The following CCDC50 variants were observed in gnomAD, a reference collection of about 807,000 sequenced individuals.
The protein encoded by CCDC50 is coiled-coil domain containing 50.
A neutral mutation model predicts 70.2 loss-of-function variants in CCDC50; 54 were observed. That is an observed-to-expected ratio of 0.77 (90% CI 0.62 to 0.96). CCDC50 has a LOEUF of 0.96. CCDC50 is among the 50% of genes least tolerant of loss of function. The pLI is 0.00. For missense variants in CCDC50, 558 were observed against 578.7 expected (o/e 0.96, Z 0.37); for synonymous variants, 216 against 198.8 (o/e 1.09, Z -0.73).
At chr3:191,387,856 AAG>A (rs1187517042) in intron 10 of CCDC50, among the ~76,000 whole-genome samples, 1 of 152,140 alleles carries the variant, frequency 6.6e-6, no homozygotes, top group African/African-American at 2.4e-5. Context: ...ACATTAATAA[AAG>A]AGAGAAGAAC....
chr3:191,391,913 T>A lies in CCDC50; in HGVS notation c.*153T>A, dbSNP rs1713709047. 1.4e-6 allele frequency: 1 copy of A among 732,546 alleles called. No homozygotes were observed. The allele number at this position is 732,546 out of a possible 1,614,324, so 45.4% of individuals were successfully genotyped here. On this transcript the variant is annotated 3_prime_UTR_variant, in exon 12 of 12. Coordinates refer to ENST00000392455, the MANE Select transcript of CCDC50 (RefSeq NM_178335.3). ...CTGACCATAAGTAATTTTAATTCAT[T>A]TCAAATGTTTTGGTTATTCATGATC...
intron 5 of CCDC50, among the ~76,000 whole-genome samples, chr3:191,372,080 G>A (rs888473219): frequency 1.3e-5 from 2 of 152,148 alleles, no homozygotes; most frequent in Non-Finnish European, 2.9e-5. Flanking sequence ...GACTTGAATT[G>A]AGACTCAAAC....
chr3:191,346,764 TAAAG>T (rs1427155413), intron 1 of CCDC50, among the ~76,000 whole-genome samples: 1 of 152,190 alleles, frequency 6.6e-6, no homozygotes, highest in East Asian at 1.9e-4. Context: ...TGTTTTAAAA[TAAAG>T]GGAGTTTCCG....
intron 1 of CCDC50, among the ~76,000 whole-genome samples, chr3:191,338,784 T>C (rs1265548431): frequency 2.0e-5 from 3 of 152,214 alleles, no homozygotes. Context: ...AGTTGATTGG[T>C]GTTGTGATTG....
chr3:191,354,507 TTTAG>T (rs1333940923), intron 1 of CCDC50, among the ~76,000 whole-genome samples: 1 of 152,210 alleles, frequency 6.6e-6, no homozygotes, highest in Non-Finnish European at 1.5e-5. Flanking sequence ...AATTTTTAAT[TTTAG>T]TTAGCATGGT....
rs1310451942 is a variant in CCDC50, at chr3:191,394,569, A to T, written c.*2809A>T. Reference sequence around the variant, plus strand: ...CTTTAATGTTGTGATGTAAACTAATACTTCTGGCCTGGGAAAACCTTTCTG... The same window carrying T: ...CTTTAATGTTGTGATGTAAACTAATTCTTCTGGCCTGGGAAAACCTTTCTG... On this transcript the variant is annotated 3_prime_UTR_variant, in exon 12 of 12. Coordinates refer to ENST00000392455, the MANE Select transcript of CCDC50 (RefSeq NM_178335.3). 2 of 152,136 alleles carry T rather than the reference A, an allele frequency of 1.3e-5. No individual in the cohort carries two copies. Among genetic ancestry groups the T allele is most frequent in the African/African-American group, 4.8e-5 (2 of 41,434 alleles). 9.4% of individuals were successfully genotyped at this position (152,136 alleles called of 1,614,324 possible).
chr3:191,340,974 T>G (rs576163168), intron 1 of CCDC50, among the ~76,000 whole-genome samples: 1 of 151,616 alleles, frequency 6.6e-6, no homozygotes, highest in African/African-American at 2.4e-5. Context: ...TAGCTAGGAC[T>G]ACAGGCCCAG....
At chr3:191,382,061 C>A (rs1431215291) in intron 9 of CCDC50, among the ~76,000 whole-genome samples, 2 of 152,028 alleles carry the variant, frequency 1.3e-5, no homozygotes, top group East Asian at 3.8e-4. Flanking sequence ...TCAAGGATTC[C>A]CAAATACTTT....
chr3:191,330,975 T>C (rs774607611), intron 1 of CCDC50, among the ~76,000 whole-genome samples: 2 of 152,214 alleles, frequency 1.3e-5, no homozygotes, highest in Non-Finnish European at 2.9e-5. Flanking sequence ...GTCCCTGGTA[T>C]GGCTTTGATG....
At chr3:191,381,169 G>A (rs373960850) in intron 9 of CCDC50, among the ~76,000 whole-genome samples, 39 of 152,144 alleles carry the variant, frequency 2.6e-4, no homozygotes, top group African/African-American at 8.9e-4. Context: ...CCTTTAAGAC[G>A]GAGTGAAATG....
rs777114610 is a variant in CCDC50 at position 191,375,122 on chromosome 3, T to G, written c.509T>G (p.Leu170Arg). 1 of 1,613,532 alleles carries G rather than the reference T, an allele frequency of 6.2e-7. No homozygotes were observed. Among genetic ancestry groups the G allele is most frequent in the South Asian group, 1.1e-5 (1 of 91,066 alleles). Residue 170 changes from leucine (L) to arginine (R), a missense_variant, in exon 6 of 12, where the codon CTC becomes CGC. Coordinates refer to ENST00000392455, the MANE Select transcript of CCDC50 (RefSeq NM_178335.3). ...TCTGGATTCTCAAGACCTTGTAGAC[T>G]CCAAAGAGATGGAAAGACTGTGAAG... Reference protein sequence around the residue: ...LGSGFSRPCRLQRDGKTVKHK... With the variant: ...LGSGFSRPCRRQRDGKTVKHK...
intron 1 of CCDC50, among the ~76,000 whole-genome samples, chr3:191,335,632 C>T (rs957711279): frequency 2.6e-5 from 4 of 151,904 alleles, no homozygotes; most frequent in African/African-American, 9.7e-5. Context: ...TACACACATA[C>T]ATTAAGTGTG....
chr3:191,352,770 T>G (rs1712145271), intron 1 of CCDC50, among the ~76,000 whole-genome samples: 1 of 89,660 alleles, frequency 1.1e-5, no homozygotes, highest in African/African-American at 5.6e-5. Flanking sequence ...TATATTTAGA[T>G]TAACATATTG....
chr3:191,369,496 A>C (rs1712821587), intron 4 of CCDC50, among the ~76,000 whole-genome samples: 1 of 152,218 alleles, frequency 6.6e-6, no homozygotes, highest in Non-Finnish European at 1.5e-5. Flanking sequence ...ATTCTAATGC[A>C]AAGCTAAATC....
At chr3:191,371,923 T>C (rs1452193381) in intron 5 of CCDC50, among the ~76,000 whole-genome samples, 1 of 152,226 alleles carries the variant, frequency 6.6e-6, no homozygotes, top group African/African-American at 2.4e-5. Flanking sequence ...CTGGTGTTTT[T>C]CCCTTTTTTA....
chr3:191,383,152 C>A (rs1228918147), intron 10 of CCDC50, among the ~76,000 whole-genome samples: 1 of 151,940 alleles, frequency 6.6e-6, no homozygotes, highest in Non-Finnish European at 1.5e-5. Flanking sequence ...AATAAAATTT[C>A]GAGTTTTAAA....
intron 2 of CCDC50, among the ~76,000 whole-genome samples, chr3:191,357,369 C>T (rs1367884813): frequency 6.6e-6 from 1 of 152,118 alleles, no homozygotes; most frequent in Non-Finnish European, 1.5e-5. Flanking sequence ...ACTGCTGCGT[C>T]TGTAGGAGGA....
intron 4 of CCDC50, among the ~76,000 whole-genome samples, chr3:191,361,757 T>G (rs1006359026): frequency 8.5e-5 from 13 of 152,284 alleles, no homozygotes; most frequent in Admixed American, 6.5e-4. Flanking sequence ...AAGGTCACAT[T>G]TTGAGGTTTG....
intron 5 of CCDC50, among the ~76,000 whole-genome samples, chr3:191,370,792 T>C (rs1250881044): frequency 6.6e-6 from 1 of 152,146 alleles, no homozygotes; most frequent in Non-Finnish European, 1.5e-5. Flanking sequence ...CCCGGCCTTA[T>C]CTGTTCTTTA....
Sources: allele counts gnomAD v4.1 joint callset (sites outside exome capture counted in the v4.1 genomes callset), GRCh38; gene constraint gnomAD v4.1.1; transcripts MANE v1.5; gene names NCBI Gene and HGNC (gene_info 2026-07-23, HGNC 2026-07-21).